ARFGEF1: variants seen among roughly 807,000 people sequenced by gnomAD.
ARFGEF1 encodes the protein brefeldin A-inhibited guanine nucleotide-exchange protein 1.
Under a neutral mutation model 231.0 loss-of-function variants are expected in ARFGEF1, and 42 were observed. The observed-to-expected ratio is 0.18, with a 90% CI of 0.14 to 0.24. The LOEUF (loss-of-function observed/expected upper bound fraction) is 0.24. Among genes scored for constraint, ARFGEF1 ranks in the 10% least tolerant of loss-of-function variants. The pLI is 1.00. For synonymous variants in ARFGEF1, 710 were observed against 732.3 expected (o/e 0.97, Z 0.49); for missense variants, 1,345 against 2,192.0 (o/e 0.61, Z 7.72).
chr8:67,192,446 C>G (rs1836620114), intron 5 of ARFGEF1, among the ~76,000 whole-genome samples: 1 of 152,122 alleles, frequency 6.6e-6, no homozygotes, highest in African/African-American at 2.4e-5. Flanking sequence ...CACTACAAGT[C>G]TAGTTATCAA....
At chr8:67,326,700 AT>A (rs1250968191) in intron 1 of ARFGEF1, among the ~76,000 whole-genome samples, 1 of 152,226 alleles carries the variant, frequency 6.6e-6, no homozygotes, top group Non-Finnish European at 1.5e-5. Context: ...TTTAAGCAAA[AT>A]TATGTATAAC....
At chr8:67,249,684 C>T (rs915224260) in intron 19 of ARFGEF1, among the ~76,000 whole-genome samples, 4 of 138,478 alleles carry the variant, frequency 2.9e-5, no homozygotes, top group African/African-American at 1.2e-4. Flanking sequence ...GTGCAGTGGC[C>T]TGATCTTGGC....
chr8:67,291,684 C>T (rs1245516628), intron 6 of ARFGEF1, among the ~76,000 whole-genome samples, 163 bp downstream of exon 6: 1 of 152,082 alleles, frequency 6.6e-6, no homozygotes, highest in African/African-American at 2.4e-5. Context: ...AGGTTAGAGT[C>T]AAATTAATTT....
intron 38 of ARFGEF1, chr8:67,199,670 A>C (rs1838249969): frequency 6.4e-6 from 1 of 155,118 alleles, no homozygotes; most frequent in Non-Finnish European, 1.4e-5. Flanking sequence ...GAGACATATT[A>C]TGACCAAAAA....
chr8:67,248,189 C>G (rs973086245), intron 19 of ARFGEF1, among the ~76,000 whole-genome samples: 2 of 149,874 alleles, frequency 1.3e-5, no homozygotes, highest in African/African-American at 5.0e-5. Flanking sequence ...CAAAGCTATC[C>G]TGAGCAAAAA....
At chr8:67,315,706 T>C (rs1299669720) in intron 1 of ARFGEF1, among the ~76,000 whole-genome samples, 2 of 152,020 alleles carry the variant, frequency 1.3e-5, no homozygotes, top group Non-Finnish European at 2.9e-5. Flanking sequence ...CACTTGGAAA[T>C]TAAACAACAC....
intron 1 of ARFGEF1, among the ~76,000 whole-genome samples, chr8:67,335,832 C>T (rs1333852256): frequency 1.3e-5 from 2 of 151,976 alleles, no homozygotes; most frequent in African/African-American, 2.4e-5. Context: ...CTGCAACCTC[C>T]GCCTTCCAGG....
chr8:67,240,297 A>G lies in ARFGEF1; in HGVS notation c.2851-7T>C, dbSNP rs1244825479. On this transcript the variant is annotated splice_region_variant and splice_polypyrimidine_tract_variant and intron_variant, in intron 19 of 38. Coordinates refer to ENST00000262215, the MANE Select transcript of ARFGEF1 (RefSeq NM_006421.5). Reference sequence around the variant, plus strand: ...GAAAAGGCGTCCAAGCCAACTACAAAAATTAAAAATTGTATTTTAATTAAA... The same window carrying G: ...GAAAAGGCGTCCAAGCCAACTACAAGAATTAAAAATTGTATTTTAATTAAA... The G allele has an allele frequency of 6.3e-7, 1 of 1,586,652 alleles. No individual in the cohort carries two copies. The highest frequency in any genetic ancestry group is 8.5e-7 in the Non-Finnish European group (1 of 1,172,882).
chr8:67,184,238 T>C (rs1833806702), intron 5 of ARFGEF1, among the ~76,000 whole-genome samples: 2 of 152,160 alleles, frequency 1.3e-5, no homozygotes, highest in African/African-American at 4.8e-5. Flanking sequence ...AAATCAGTAT[T>C]CTAAGCTTCC....
At chr8:67,246,551 TG>T (rs1237026190) in intron 19 of ARFGEF1, among the ~76,000 whole-genome samples, 1 of 150,346 alleles carries the variant, frequency 6.7e-6, no homozygotes, top group Non-Finnish European at 1.5e-5. Flanking sequence ...AAAAATTTAT[TG>T]AAACAAATGA....
At chr8:67,288,611 T>C (rs1388577225) in intron 6 of ARFGEF1, among the ~76,000 whole-genome samples, 1 of 152,010 alleles carries the variant, frequency 6.6e-6, no homozygotes, top group Non-Finnish European at 1.5e-5. Flanking sequence ...CACACGCCTG[T>C]AATCCCAGCT....
intron 6 of ARFGEF1, among the ~76,000 whole-genome samples, chr8:67,291,442 T>C (rs1407280799): frequency 6.6e-6 from 1 of 151,764 alleles, no homozygotes; most frequent in Non-Finnish European, 1.5e-5. Context: ...ACCATAATCA[T>C]ATTTTTAAAA....
intron 1 of ARFGEF1, among the ~76,000 whole-genome samples, chr8:67,342,957 A>G (rs529809371): frequency 1.2e-4 from 18 of 152,020 alleles, no homozygotes; most frequent in Non-Finnish European, 2.4e-4. Context: ...AGCCCAGCTC[A>G]CTGCCCTTCC....
rs1839407075 is a variant in ARFGEF1, at chr8:67,227,324, A to G, written c.3744-15T>C. 3 of 1,606,922 alleles carry G rather than the reference A, an allele frequency of 1.9e-6. No homozygotes were observed. The highest frequency in any genetic ancestry group is 2.6e-6 in the Non-Finnish European group (3 of 1,175,156). ...TTGTTGGAGACCTAAAAATATTAATATAATTGCTTGGATATGCAAACCGAT... is the reference window on the plus strand; with the variant it reads ...TTGTTGGAGACCTAAAAATATTAATGTAATTGCTTGGATATGCAAACCGAT... On this transcript the variant is annotated splice_polypyrimidine_tract_variant and intron_variant, in intron 26 of 38. Coordinates refer to ENST00000262215, the MANE Select transcript of ARFGEF1 (RefSeq NM_006421.5).
At chr8:67,311,083 G>A (rs552591442) in intron 1 of ARFGEF1, among the ~76,000 whole-genome samples, 14 of 144,212 alleles carry the variant, frequency 9.7e-5, no homozygotes, top group South Asian at 2.2e-4. Flanking sequence ...CCCTCTGCCC[G>A]GCCAGCCGCC....
At chr8:67,329,209 TTAAAAACAAAAC>T (rs1453369295) in intron 1 of ARFGEF1, among the ~76,000 whole-genome samples, 4 of 143,626 alleles carry the variant, frequency 2.8e-5, no homozygotes, top group African/African-American at 7.8e-5. Context: ...CTGGGCATCT[TTAAAAACAAAAC>T]AAAAAACAAA....
intron 5 of ARFGEF1, among the ~76,000 whole-genome samples, chr8:67,183,387 AC>A (rs1388439777): frequency 6.6e-6 from 1 of 152,206 alleles, no homozygotes; most frequent in Non-Finnish European, 1.5e-5. Context: ...AGGACAGATT[AC>A]AATCTGGGCA....
chr8:67,223,165 C>G (rs529214759), intron 29 of ARFGEF1, among the ~76,000 whole-genome samples: 9 of 152,320 alleles, frequency 5.9e-5, no homozygotes, highest in African/African-American at 2.2e-4. Context: ...AGAATGCACA[C>G]AAGAAATTCT....
chr8:67,333,249 G>A (rs1414801891), intron 1 of ARFGEF1, among the ~76,000 whole-genome samples: 2 of 151,774 alleles, frequency 1.3e-5, no homozygotes, highest in Non-Finnish European at 2.9e-5. Context: ...TGGCCAGGAT[G>A]GTCTCGATCT....
Sources: gnomAD v4.1 joint callset for allele counts (sites outside exome capture counted in the v4.1 genomes callset) on GRCh38, gnomAD v4.1.1 for gene constraint, MANE v1.5 for transcripts, NCBI Gene and HGNC (gene_info 2026-07-23, HGNC 2026-07-21) for gene names.